The following ZNF566 variants were observed in gnomAD, a reference collection of about 807,000 sequenced individuals.
ZNF566 encodes the protein zinc finger protein 566.
ZNF566 carries 27 observed loss-of-function variants against 32.8 expected under a neutral mutation model. The observed-to-expected ratio is 0.82, with a 90% CI of 0.61 to 1.14. The LOEUF (loss-of-function observed/expected upper bound fraction) is 1.14, where lower values mean the gene tolerates loss of function less well. Among genes scored for constraint, ZNF566 ranks in the 50% most tolerant of loss-of-function variants. The pLI, the probability that ZNF566 is intolerant of heterozygous loss-of-function variation, is 0.00. For synonymous variants in ZNF566, 154 were observed against 159.5 expected (o/e 0.97, Z 0.26); for missense variants, 402 against 490.4 (o/e 0.82, Z 1.70).
Position 36,477,526 on chromosome 19 carries a change from G to GTTTTTTTTTTTTT in ZNF566, c.-59-911_-59-910insAAAAAAAAAAAAA, listed in dbSNP as rs767741591. 1.5e-3 allele frequency among the ~76,000 whole-genome samples: 157 copies of GTTTTTTTTTTTTT among 106,978 alleles called. 33 individuals are homozygous for GTTTTTTTTTTTTT. Among genetic ancestry groups the GTTTTTTTTTTTTT allele is most frequent in the African/African-American group, 1.9e-3 (51 of 26,236 alleles). The allele number at this position is 106,978 out of a possible 152,430, so 70.2% of individuals were successfully genotyped here. A position where few individuals can be genotyped will look rare whatever the true frequency, so the allele number is the denominator to read the frequency against. ...TGGGTCAAACCAGTTTTCTGTTTCT[G>GTTTTTTTTTTTTT]TTTTTTTTTTGTTTGTTTGTTTGTT... On this transcript the variant is annotated intron_variant, in intron 1 of 4. Transcript: ENST00000452939.
At chr19:36,488,980 G>A (rs575949198) in intron 1 of ZNF566, among the ~76,000 whole-genome samples, 6 of 152,212 alleles carry the variant, frequency 3.9e-5, no homozygotes, top group East Asian at 3.9e-4. Context: ...GGTCACATAA[G>A]CACAAGTGCA....
At chr19:36,485,308 G>A (rs2145712702) in intron 1 of ZNF566, among the ~76,000 whole-genome samples, 1 of 151,358 alleles carries the variant, frequency 6.6e-6, no homozygotes, top group East Asian at 2.0e-4. Context: ...CAGGAGTGGT[G>A]GTGTGCACCT....
chr19:36,486,983 G>A (rs1248627162), intron 1 of ZNF566, among the ~76,000 whole-genome samples: 3 of 150,914 alleles, frequency 2.0e-5, no homozygotes, highest in Non-Finnish European at 4.4e-5. Context: ...CCAGCTACTC[G>A]GGAGGCTGAG....
intron 4 of ZNF566, among the ~76,000 whole-genome samples, chr19:36,455,484 G>C (rs972436508): frequency 4.6e-5 from 7 of 152,196 alleles, no homozygotes; most frequent in African/African-American, 1.7e-4. Flanking sequence ...GCTCCCACCT[G>C]TAATTCCCGC....
At chr19:36,459,878 G>C (rs2033418101) in intron 4 of ZNF566, among the ~76,000 whole-genome samples, 1 of 150,146 alleles carries the variant, frequency 6.7e-6, no homozygotes, top group Middle Eastern at 3.5e-3. Flanking sequence ...GAGTACAGTG[G>C]CGTGATCTCA....
chr19:36,458,524 A>G (rs1010893588), intron 4 of ZNF566, among the ~76,000 whole-genome samples: 1 of 152,174 alleles, frequency 6.6e-6, no homozygotes, highest in Admixed American at 6.5e-5. Flanking sequence ...ATATTGGTCA[A>G]AGGGTACAAA....
In ZNF566 at chr19:36,477,547, T is replaced by C. The variant is rs545220383; in HGVS notation, c.-59-931A>G. Among the ~76,000 whole-genome samples the C allele has an allele frequency of 2.5e-4, 32 of 129,860 alleles. No individual in the cohort carries two copies. In the East Asian group the frequency reaches 5.6e-3, roughly 23 times the overall value. The allele number at this position is 129,860 out of a possible 152,430, so 85.2% of individuals were successfully genotyped here. A position where few individuals can be genotyped will look rare whatever the true frequency, so the allele number is the denominator to read the frequency against. ...TTCTGTTTTTTTTTTGTTTGTTTGT[T>C]TGTTTTTTTGAGACGGAGTCTTGCT... is the stretch of plus-strand genomic sequence containing the variant. On this transcript the variant is annotated intron_variant, in intron 1 of 4. Coordinates refer to ENST00000452939, the MANE Select transcript of ZNF566 (RefSeq NM_001145344.1).
chr19:36,445,282 T>C lies in ZNF566; in HGVS notation c.*3695A>G, dbSNP rs759588357. 3.9e-5 allele frequency: 6 copies of C among 152,188 alleles called. No individual in the cohort carries two copies. Among genetic ancestry groups the C allele is most frequent in the Admixed American group, 6.6e-5 (1 of 15,258 alleles). 9.4% of individuals were successfully genotyped at this position (152,188 alleles called of 1,614,324 possible). ...AGCATTTAATATACAACTGATAGTA[T>C]TTTAATTCAGTAGGAGAAAGGTGAA... On this transcript the variant is annotated 3_prime_UTR_variant, in exon 5 of 5. Coordinates refer to ENST00000452939, the MANE Select transcript of ZNF566 (RefSeq NM_001145344.1).
At chr19:36,465,474 T>C (rs1323547155) in intron 4 of ZNF566, among the ~76,000 whole-genome samples, 1 of 130,838 alleles carries the variant, frequency 7.6e-6, no homozygotes, top group Non-Finnish European at 1.6e-5. Context: ...TCTACTATGT[T>C]TATAAATACT....
At chr19:36,475,108 T>C (rs2033852437) in intron 2 of ZNF566, among the ~76,000 whole-genome samples, 1 of 152,194 alleles carries the variant, frequency 6.6e-6, no homozygotes, top group South Asian at 2.1e-4. Flanking sequence ...TGCAGTGGCA[T>C]GATCACATCT....
chr19:36,477,462 T>A (rs1202452038), intron 1 of ZNF566, among the ~76,000 whole-genome samples: 1 of 152,012 alleles, frequency 6.6e-6, no homozygotes, highest in African/African-American at 2.4e-5. Context: ...AAAAGTATAA[T>A]TGCTCAGAGA....
intron 4 of ZNF566, 45 bp from the exon 5 acceptor site, chr19:36,450,046 G>A: frequency 6.6e-7 from 1 of 1,506,520 alleles, no homozygotes; most frequent in Non-Finnish European, 8.9e-7. Flanking sequence ...TTCTTGTTTG[G>A]GAGAAACAAA....
intron 1 of ZNF566, among the ~76,000 whole-genome samples, chr19:36,482,075 G>T (rs1171745295): frequency 6.6e-6 from 1 of 152,132 alleles, no homozygotes; most frequent in Non-Finnish European, 1.5e-5. Flanking sequence ...ATATATACAA[G>T]GAGTCTGTGG....
At chr19:36,453,938 C>T (rs978400665) in intron 4 of ZNF566, among the ~76,000 whole-genome samples, 2 of 152,136 alleles carry the variant, frequency 1.3e-5, no homozygotes, top group Non-Finnish European at 1.5e-5. Context: ...ATTCTCCTGC[C>T]TCAGCCTCCC....
rs933804405 is a variant in ZNF566 at position 36,489,542 on chromosome 19, T to G, written c.-116A>C. 1 of 356,450 alleles carries G rather than the reference T, an allele frequency of 2.8e-6. No individual in the cohort carries two copies. The highest frequency in any genetic ancestry group is 2.1e-5 in the African/African-American group (1 of 46,672). The allele number at this position is 356,450 out of a possible 1,614,324, so 22.1% of individuals were successfully genotyped here. ...ACTGGGGTAGTTGCTGGTAAAGCCC[T>G]GAGGGTCCCGCCAGCGCGTGAGTTG... On this transcript the variant is annotated 5_prime_UTR_variant, in exon 1 of 5. Coordinates refer to ENST00000452939, the MANE Select transcript of ZNF566 (RefSeq NM_001145344.1).
chr19:36,449,991 T>G lies in ZNF566; in HGVS notation c.243A>C (p.Ser81=), dbSNP rs757809005. 1.9e-6 allele frequency: 3 copies of G among 1,604,864 alleles called. No homozygotes were observed. The highest frequency in any genetic ancestry group is 2.5e-6 in the Non-Finnish European group (3 of 1,177,016). Residue 81 remains serine (S), a synonymous_variant, in exon 5 of 5, where the codon TCA becomes TCC. Coordinates refer to ENST00000452939, the MANE Select transcript of ZNF566 (RefSeq NM_001145344.1). ...LTRGQWPVLE[S]RCETKKLFLK... is the part of the protein sequence containing the mutation. ...GAAATAATTTCTTGGTCTCACATCT[T>G]GATTCCAGGACTGAAAGAAAATATG...
In ZNF566 at chr19:36,449,843, C is replaced by A; in HGVS notation, c.391G>T (p.Glu131Ter). ...AAATGTCCCCCCTGAGAGCCGAGTT[C>A]TTTCTTAAACTGCCGATTACATTCC... ...DWECNRQFKK[E>*]LGSQGGHFNQ... Residue 131 changes from glutamate (E) to a stop codon, truncating the protein, a stop_gained, in exon 5 of 5, where the codon GAA becomes TAA. Coordinates refer to ENST00000452939, the MANE Select transcript of ZNF566 (RefSeq NM_001145344.1). LOFTEE classifies it high-confidence loss of function. The A allele has an allele frequency of 6.2e-7, 1 of 1,614,130 alleles. No homozygotes were observed. Among genetic ancestry groups the A allele is most frequent in the South Asian group, 1.1e-5 (1 of 91,084 alleles).
At chr19:36,488,403 T>A (rs73928557) in intron 1 of ZNF566, among the ~76,000 whole-genome samples, 95 of 152,260 alleles carry the variant, frequency 6.2e-4, no homozygotes, top group African/African-American at 2.2e-3. Context: ...CCTACAAAAA[T>A]TTTTTTAACT....
At chr19:36,452,927 G>C (rs1359950716) in intron 4 of ZNF566, among the ~76,000 whole-genome samples, 1 of 152,010 alleles carries the variant, frequency 6.6e-6, no homozygotes, top group Admixed American at 6.6e-5. Flanking sequence ...AGACCAGCCT[G>C]CCCAATATGG....
Sources: allele counts gnomAD v4.1 joint callset (sites outside exome capture counted in the v4.1 genomes callset), GRCh38; gene constraint gnomAD v4.1.1; transcripts MANE v1.5; gene names NCBI Gene and HGNC (gene_info 2026-07-23, HGNC 2026-07-21).